Variants in DCDC1 observed in about 807,000 individuals in gnomAD.
The protein encoded by DCDC1 is doublecortin domain containing 1.
Under a neutral mutation model 178.3 loss-of-function variants are expected in DCDC1, and 200 were observed. The ratio of observed to expected loss-of-function variants is 1.12; its 90% confidence interval spans 1.00 to 1.26. The LOEUF (loss-of-function observed/expected upper bound fraction) is 1.26. Among genes scored for constraint, DCDC1 ranks in the 50% most tolerant of loss-of-function variants. The pLI is 0.00. For missense variants in DCDC1, 1,983 were observed against 1,749.2 expected (o/e 1.13, Z -2.38); for synonymous variants, 690 against 604.8 (o/e 1.14, Z -2.07).
At chr11:31,272,904 T>G (rs1945677846) in intron 7 of DCDC1, among the ~76,000 whole-genome samples, 1 of 152,206 alleles carries the variant, frequency 6.6e-6, no homozygotes, top group Non-Finnish European at 1.5e-5. Flanking sequence ...AGTGCCCCAG[T>G]AGGAACTCTG....
chr11:31,310,386 T>G (rs778760776), intron 3 of DCDC1, among the ~76,000 whole-genome samples: 1 of 134,956 alleles, frequency 7.4e-6, no homozygotes, highest in African/African-American at 2.8e-5. Context: ...TGGCGCAATC[T>G]CAGCTCACTG....
intron 1 of DCDC1, among the ~76,000 whole-genome samples, chr11:31,357,748 T>C (rs1204639817): frequency 6.6e-6 from 1 of 151,986 alleles, no homozygotes; most frequent in Non-Finnish European, 1.5e-5. Context: ...AGTCTCAGGA[T>C]ACAAAATCAG....
intron 9 of DCDC1, among the ~76,000 whole-genome samples, chr11:31,193,499 A>T (rs1970357957): frequency 6.6e-6 from 1 of 152,096 alleles, no homozygotes; most frequent in South Asian, 2.1e-4. Flanking sequence ...TCTGAAAAAA[A>T]TTAAAAATGT....
At chr11:31,233,541 C>T (rs1976083686) in intron 9 of DCDC1, among the ~76,000 whole-genome samples, 1 of 152,120 alleles carries the variant, frequency 6.6e-6, no homozygotes, top group African/African-American at 2.4e-5. Flanking sequence ...AAATCAGTGA[C>T]TGGTAGAATT....
intron 20 of DCDC1, among the ~76,000 whole-genome samples, chr11:30,970,379 C>A (rs188990063): frequency 1.1e-4 from 16 of 152,278 alleles, no homozygotes; most frequent in Middle Eastern, 6.8e-3. Flanking sequence ...ATCTACAAAT[C>A]CATGGAGCTA....
intron 20 of DCDC1, among the ~76,000 whole-genome samples, chr11:30,960,142 T>G (rs1415619823): frequency 6.6e-6 from 1 of 152,018 alleles, no homozygotes; most frequent in Non-Finnish European, 1.5e-5. Context: ...AGAAGTTGGG[T>G]GTTGGGGATG....
intron 6 of DCDC1, among the ~76,000 whole-genome samples, chr11:31,300,467 G>A (rs1948029082): frequency 6.6e-6 from 1 of 151,940 alleles, no homozygotes; most frequent in Non-Finnish European, 1.5e-5. Flanking sequence ...ATATCCAATA[G>A]GCATTTAAAG....
chr11:31,182,902 GAATACTTAC>G (rs1176844682), intron 9 of DCDC1, among the ~76,000 whole-genome samples: 1 of 150,592 alleles, frequency 6.6e-6, no homozygotes, highest in Non-Finnish European at 1.5e-5. Flanking sequence ...AGGGATGGAG[GAATACTTAC>G]CAAGCAAATG....
chr11:30,999,013 T>C (rs1474732598), intron 20 of DCDC1, among the ~76,000 whole-genome samples: 1 of 152,190 alleles, frequency 6.6e-6, no homozygotes, highest in Non-Finnish European at 1.5e-5. Context: ...AAATCAATAA[T>C]TTCAGTCTAA....
chr11:31,215,637 C>CA, intron 9 of DCDC1, among the ~76,000 whole-genome samples: 1 of 151,924 alleles, frequency 6.6e-6, no homozygotes, highest in South Asian at 2.1e-4. Context: ...TACTAAAATA[C>CA]AAAAAATTAG....
At chr11:31,253,453 T>A (rs994555248) in intron 8 of DCDC1, among the ~76,000 whole-genome samples, 3 of 151,482 alleles carry the variant, frequency 2.0e-5, no homozygotes, top group African/African-American at 7.3e-5. Context: ...GCCTTGGAGA[T>A]TTTTTTAAAA....
intron 9 of DCDC1, among the ~76,000 whole-genome samples, chr11:31,214,861 T>C (rs181822211): frequency 9.2e-5 from 14 of 152,086 alleles, no homozygotes; most frequent in Admixed American, 9.2e-4. Context: ...CTTCTTACCT[T>C]CAATAATTTA....
At chr11:30,879,103 C>T (rs1472799606) in intron 37 of DCDC1, among the ~76,000 whole-genome samples, 2 of 152,114 alleles carry the variant, frequency 1.3e-5, no homozygotes, top group East Asian at 3.9e-4. Context: ...CTAATAGCTT[C>T]TGGTTTGTTT....
chr11:30,937,484 T>A (rs376450302), intron 21 of DCDC1, among the ~76,000 whole-genome samples: 2 of 152,228 alleles, frequency 1.3e-5, no homozygotes, highest in Admixed American at 6.5e-5. Flanking sequence ...TTTCCACACT[T>A]GTAACATCCA....
intron 7 of DCDC1, among the ~76,000 whole-genome samples, chr11:31,271,718 A>T (rs1035152933): frequency 6.6e-6 from 1 of 152,250 alleles, no homozygotes; most frequent in Non-Finnish European, 1.5e-5. Context: ...TGGGCAATTT[A>T]CAAAAGAAAG....
At chr11:30,946,716 ACT>A (rs1220360041) in intron 21 of DCDC1, among the ~76,000 whole-genome samples, 5 of 152,274 alleles carry the variant, frequency 3.3e-5, no homozygotes, top group African/African-American at 1.2e-4. Context: ...AAGTTGATTG[ACT>A]CTCTGCTGCA....
chr11:30,983,278 G>A (rs1414841114), intron 20 of DCDC1, among the ~76,000 whole-genome samples: 3 of 152,094 alleles, frequency 2.0e-5, no homozygotes, highest in Non-Finnish European at 4.4e-5. Flanking sequence ...TTCCCATTGG[G>A]CAAAATACAC....
At chr11:31,103,048 A>C (rs1958608352) in intron 14 of DCDC1, among the ~76,000 whole-genome samples, 1 of 152,188 alleles carries the variant, frequency 6.6e-6, no homozygotes, top group South Asian at 2.1e-4. Context: ...GTGAGAATTA[A>C]ATCGATCCTT....
At chr11:31,216,558 A>G (rs1973589774) in intron 9 of DCDC1, among the ~76,000 whole-genome samples, 1 of 152,214 alleles carries the variant, frequency 6.6e-6, no homozygotes, top group African/African-American at 2.4e-5. Flanking sequence ...TTCTACTGAA[A>G]TGACAAGCAG....
Sources: gnomAD v4.1 joint callset for allele counts (sites outside exome capture counted in the v4.1 genomes callset) on GRCh38, gnomAD v4.1.1 for gene constraint, MANE v1.5 for transcripts, NCBI Gene and HGNC (gene_info 2026-07-23, HGNC 2026-07-21) for gene names.